SNTG1: variants seen among roughly 807,000 people sequenced by gnomAD.
SNTG1 encodes the protein gamma-1-syntrophin.
A neutral mutation model predicts 74.7 loss-of-function variants in SNTG1; 39 were observed. The ratio of observed to expected loss-of-function variants is 0.52; its 90% CI spans 0.40 to 0.68. The LOEUF (loss-of-function observed/expected upper bound fraction) is 0.68. SNTG1 is among the 30% of genes least tolerant of loss of function. SNTG1 has a pLI of 0.00. For missense variants in SNTG1, 685 were observed against 609.5 expected (o/e 1.12, Z -1.30); for synonymous variants, 254 against 217.1 (o/e 1.17, Z -1.49).
chr8:50,172,959 A>C (rs1295464513), intron 2 of SNTG1, among the ~76,000 whole-genome samples: 3 of 150,110 alleles, frequency 2.0e-5, no homozygotes, highest in African/African-American at 7.3e-5. Context: ...AAAATCATTT[A>C]GTTTTTCAAA....
chr8:50,603,724 A>G (rs929106411), intron 13 of SNTG1, among the ~76,000 whole-genome samples: 8 of 152,296 alleles, frequency 5.3e-5, no homozygotes, highest in Non-Finnish European at 8.8e-5. Flanking sequence ...TTGCAGACTC[A>G]TAGGTGTGCT....
At chr8:50,547,643 C>T (rs2094397628) in intron 11 of SNTG1, among the ~76,000 whole-genome samples, 2 of 151,584 alleles carry the variant, frequency 1.3e-5, no homozygotes, top group South Asian at 4.2e-4. Context: ...GACAGTATTC[C>T]AGGGTGCTTG....
intron 2 of SNTG1, among the ~76,000 whole-genome samples, chr8:50,371,521 G>A (rs2131152593): frequency 1.3e-5 from 2 of 152,278 alleles, no homozygotes; most frequent in South Asian, 4.1e-4. Flanking sequence ...GTTGGGTGAA[G>A]TGTTCAGTAT....
intron 1 of SNTG1, among the ~76,000 whole-genome samples, chr8:49,996,298 A>G (rs562273472): frequency 2.0e-5 from 3 of 152,068 alleles, no homozygotes; most frequent in Admixed American, 1.3e-4. Context: ...AATTCTTGGA[A>G]ATAAGGATTG....
At chr8:50,396,936 C>A (rs1178835279) in intron 3 of SNTG1, among the ~76,000 whole-genome samples, 1 of 152,130 alleles carries the variant, frequency 6.6e-6, no homozygotes, top group African/African-American at 2.4e-5. Context: ...CATGCAAATT[C>A]ATAAACATTT....
chr8:50,082,817 A>C (rs989987219), intron 1 of SNTG1, among the ~76,000 whole-genome samples: 1 of 152,128 alleles, frequency 6.6e-6, no homozygotes, highest in Non-Finnish European at 1.5e-5. Flanking sequence ...GACTCCCATC[A>C]ATCAGGGATA....
chr8:50,762,048 C>A (rs546865751), intron 18 of SNTG1, among the ~76,000 whole-genome samples: 7 of 151,974 alleles, frequency 4.6e-5, no homozygotes, highest in Non-Finnish European at 1.0e-4. Flanking sequence ...TATCTTCAAC[C>A]CTTGCCTTTA....
intron 2 of SNTG1, among the ~76,000 whole-genome samples, chr8:50,225,222 T>A (rs1308846266): frequency 6.6e-6 from 1 of 152,128 alleles, no homozygotes; most frequent in African/African-American, 2.4e-5. Flanking sequence ...TCCACCCACC[T>A]CAGCCTCCCA....
At chr8:50,043,196 G>A (rs1303821836) in intron 1 of SNTG1, among the ~76,000 whole-genome samples, 1 of 152,072 alleles carries the variant, frequency 6.6e-6, no homozygotes, top group Non-Finnish European at 1.5e-5. Flanking sequence ...TTCTTTATCA[G>A]TAGAGAATCT....
intron 8 of SNTG1, among the ~76,000 whole-genome samples, chr8:50,482,578 T>C (rs1477884049): frequency 2.0e-5 from 3 of 152,206 alleles, no homozygotes; most frequent in Non-Finnish European, 4.4e-5. Flanking sequence ...ATCTTAGGTC[T>C]GAAGTAAATA....
rs140282903 is a variant in SNTG1, at chr8:50,448,085, G to C, written c.220-1583G>C. Among the ~76,000 whole-genome samples the C allele has an allele frequency of 4.2e-3, 637 of 152,228 alleles. 4 individuals are homozygous for C. Among genetic ancestry groups the C allele is most frequent in the South Asian group, 0.034 (165 of 4,806 alleles). On this transcript the variant is annotated intron_variant, in intron 5 of 18. Transcript: ENST00000642720. ...TCTTAGACACAGTCTGTGTTTGTTA[G>C]GGACACACAGACCAAAAAGCAGAAC...
At chr8:50,740,547 T>C (rs191329616) in intron 17 of SNTG1, among the ~76,000 whole-genome samples, 404 of 152,162 alleles carry the variant, frequency 2.7e-3, no homozygotes, top group African/African-American at 9.4e-3. Context: ...GGTGGGAGTA[T>C]AAATTAGTTT....
chr8:50,624,566 GC>G (rs1408703486), intron 13 of SNTG1, among the ~76,000 whole-genome samples: 1 of 152,178 alleles, frequency 6.6e-6, no homozygotes, highest in East Asian at 1.9e-4. Flanking sequence ...TGGTAGTACT[GC>G]TACTAGAAAT....
chr8:50,580,313 A>G (rs1415717870), intron 12 of SNTG1, among the ~76,000 whole-genome samples: 1 of 152,184 alleles, frequency 6.6e-6, no homozygotes, highest in Non-Finnish European at 1.5e-5. Flanking sequence ...TCACAGGGTT[A>G]TAGATGGAAG....
Position 50,536,841 on chromosome 8 carries a change from G to A in SNTG1, c.680+33G>A, listed in dbSNP as rs369020100. 19 of 1,603,320 alleles carry A rather than the reference G, an allele frequency of 1.2e-5. No individual in the cohort carries two copies. In the African/African-American group the frequency reaches 1.9e-4, roughly 16 times the overall value. Reference sequence around the variant, plus strand: ...CGTGTTTAGGAGTTATGACTGTTTTGTTTATGAAAAAAGAGACCTTTTAGA... The same window carrying A: ...CGTGTTTAGGAGTTATGACTGTTTTATTTATGAAAAAAGAGACCTTTTAGA... On this transcript the variant is annotated intron_variant, in intron 11 of 18. Coordinates refer to ENST00000642720, the MANE Select transcript of SNTG1 (RefSeq NM_018967.5).
chr8:49,965,620 G>T (rs896703032), intron 1 of SNTG1, among the ~76,000 whole-genome samples: 1 of 152,192 alleles, frequency 6.6e-6, no homozygotes, highest in Non-Finnish European at 1.5e-5. Context: ...GCTGCTTAAT[G>T]TGGTTGTTGT....
intron 2 of SNTG1, among the ~76,000 whole-genome samples, chr8:50,387,750 A>T (rs2092597670): frequency 6.6e-6 from 1 of 152,212 alleles, no homozygotes; most frequent in South Asian, 2.1e-4. Context: ...TTAATGGGTT[A>T]AACTTTGTAT....
At position 50,704,750 on chromosome 8, in the gene SNTG1, C is replaced by G; in HGVS notation, c.1189C>G (p.Gln397Glu). ...TATFLEVERI[Q>E]CKTYACVLES... The stretch of plus-strand genomic sequence containing the variant: ...AACCTTTCTAGAAGTAGAACGGATA[C>G]AGGTGAGAGTCTGTGGGACTGCAGG... The change falls in exon 16 of 19, where the codon CAG (glutamine) becomes GAG (glutamate). Residue 397 changes from glutamine to glutamate, a missense_variant and splice_region_variant. By Grantham distance (29) the Gln-to-Glu change is conservative. Transcript: ENST00000642720. 4 of 1,613,968 alleles carry G rather than the reference C, an allele frequency of 2.5e-6. No individual in the cohort carries two copies. The highest frequency in any genetic ancestry group is 3.4e-6 in the Non-Finnish European group (4 of 1,179,952).
chr8:50,496,163 A>T (rs2093902300), intron 8 of SNTG1, among the ~76,000 whole-genome samples: 1 of 152,226 alleles, frequency 6.6e-6, no homozygotes, highest in African/African-American at 2.4e-5. Flanking sequence ...CCAGAATAAG[A>T]AAATAATTTA....
Sources: gnomAD v4.1 joint callset for allele counts (sites outside exome capture counted in the v4.1 genomes callset) on GRCh38, gnomAD v4.1.1 for gene constraint, MANE v1.5 for transcripts, NCBI Gene and HGNC (gene_info 2026-07-23, HGNC 2026-07-21) for gene names.